CDC73: variants seen among roughly 807,000 people sequenced by gnomAD.
The protein encoded by CDC73 is parafibromin.
In CDC73, 21 loss-of-function variants were observed where a neutral mutation model predicts 83.7. That is an observed-to-expected ratio of 0.25 (90% CI 0.18 to 0.36). CDC73 has a LOEUF of 0.36. Among genes scored for constraint, CDC73 ranks in the 10% least tolerant of loss-of-function variants. The pLI is 1.00. For synonymous variants in CDC73, 224 were observed against 212.9 expected (o/e 1.05, Z -0.45); for missense variants, 342 against 653.3 (o/e 0.52, Z 5.19).
intron 7 of CDC73, among the ~76,000 whole-genome samples, chr1:193,143,703 T>TA (rs538879718): frequency 6.6e-6 from 1 of 152,160 alleles, no homozygotes; most frequent in Non-Finnish European, 1.5e-5. Context: ...CAGGTGAGAA[T>TA]AAAAAAATAC....
chr1:193,130,677 T>G (rs2103118309), intron 3 of CDC73, among the ~76,000 whole-genome samples: 1 of 152,336 alleles, frequency 6.6e-6, no homozygotes, highest in East Asian at 1.9e-4. Context: ...CATTGCTTCT[T>G]TTTTACCTTT....
intron 14 of CDC73, among the ~76,000 whole-genome samples, chr1:193,234,173 TCTCACACACACA>T (rs1272268062): frequency 5.1e-4 from 35 of 68,340 alleles, no homozygotes; most frequent in South Asian, 1.4e-3. Context: ...TCTCTCTCTC[TCTCACACACACA>T]CACACACACA....
intron 10 of CDC73, among the ~76,000 whole-genome samples, chr1:193,156,630 C>G (rs1229625415): frequency 2.0e-5 from 3 of 152,086 alleles, no homozygotes; most frequent in Non-Finnish European, 4.4e-5. Context: ...TCTCCCCACC[C>G]CACCACTGTT....
At chr1:193,130,613 TC>T (rs1001064407) in intron 3 of CDC73, among the ~76,000 whole-genome samples, 1 of 152,250 alleles carries the variant, frequency 6.6e-6, no homozygotes, top group Non-Finnish European at 1.5e-5. Context: ...GTCTACTGCT[TC>T]ATTTATCTCC....
At chr1:193,139,508 G>A (rs543648702) in intron 6 of CDC73, among the ~76,000 whole-genome samples, 80 of 152,224 alleles carry the variant, frequency 5.3e-4, no homozygotes, top group African/African-American at 1.9e-3. Flanking sequence ...AATATAGAAC[G>A]TAGTTCTTGT....
chr1:193,137,081 T>C (rs72731068), intron 5 of CDC73, among the ~76,000 whole-genome samples: 6,075 of 152,284 alleles, frequency 0.04, 117 homozygotes, highest in Middle Eastern at 0.048. Context: ...TTTGAGGATC[T>C]ATAAGGAACT....
intron 11 of CDC73, among the ~76,000 whole-genome samples, chr1:193,207,951 C>G (rs757102539): frequency 1.3e-5 from 2 of 152,318 alleles, no homozygotes; most frequent in Non-Finnish European, 2.9e-5. Context: ...TTTGTTATCT[C>G]CAATTCAAAC....
intron 10 of CDC73, among the ~76,000 whole-genome samples, chr1:193,202,153 G>A (rs1452475849): frequency 2.0e-5 from 3 of 152,040 alleles, no homozygotes; most frequent in Non-Finnish European, 4.4e-5. Flanking sequence ...TTATATAGGG[G>A]CTAATGTTCC....
At chr1:193,162,154 CTATTA>C (rs1296645506) in intron 10 of CDC73, among the ~76,000 whole-genome samples, 2 of 12,234 alleles carry the variant, frequency 1.6e-4, no homozygotes, top group East Asian at 8.6e-4. Context: ...TATATATTAT[CTATTA>C]TATTGTATAT....
chr1:193,233,015 A>C lies in CDC73; in HGVS notation c.1177A>C (p.Lys393Gln). Residue 393 changes from lysine (K) to glutamine (Q), a missense_variant, in exon 14 of 17, where the codon AAG becomes CAG. By Grantham distance (53) the Lys-to-Gln change is moderately conservative. This residue lies in a region of CDC73 where 239 missense variants were observed against 420.6 expected (regional missense o/e 0.57). Coordinates refer to ENST00000367435, the MANE Select transcript of CDC73 (RefSeq NM_024529.5). Reference protein sequence around the residue: ...DLKFVPSDEKKKQGCQRENET... With the variant: ...DLKFVPSDEKQKQGCQRENET... ...AAGATTTGTCCCATCAGATGAAAAGAAGAAACAAGGTTGTCAACGAGAAAA... is the reference window on the plus strand; with the variant it reads ...AAGATTTGTCCCATCAGATGAAAAGCAGAAACAAGGTTGTCAACGAGAAAA... The C allele has an allele frequency of 6.2e-7, 1 of 1,613,970 alleles. No individual in the cohort carries two copies. Among genetic ancestry groups the C allele is most frequent in the Non-Finnish European group, 8.5e-7 (1 of 1,179,834 alleles).
At chr1:193,169,183 G>A (rs1676480322) in intron 10 of CDC73, among the ~76,000 whole-genome samples, 1 of 152,080 alleles carries the variant, frequency 6.6e-6, no homozygotes, top group Admixed American at 6.5e-5. Flanking sequence ...ATTTTAAGAA[G>A]GATGCTATTT....
intron 10 of CDC73, among the ~76,000 whole-genome samples, chr1:193,192,998 C>T (rs1676944508): frequency 6.6e-6 from 1 of 152,160 alleles, no homozygotes; most frequent in South Asian, 2.1e-4. Context: ...TATCCAGAGG[C>T]TTTTGCAAAA....
At chr1:193,240,855 T>G (rs1677845051) in intron 15 of CDC73, among the ~76,000 whole-genome samples, 1 of 152,206 alleles carries the variant, frequency 6.6e-6, no homozygotes, top group Non-Finnish European at 1.5e-5. Flanking sequence ...ATCCCATCTA[T>G]TTTTGTTGCC....
chr1:193,233,794 T>C (rs1427599771), intron 14 of CDC73, among the ~76,000 whole-genome samples: 1 of 152,190 alleles, frequency 6.6e-6, no homozygotes, highest in Non-Finnish European at 1.5e-5. Context: ...AGCTCTTTTA[T>C]CATGGTTTAA....
chr1:193,194,819 CT>C, intron 10 of CDC73, among the ~76,000 whole-genome samples: 1 of 152,024 alleles, frequency 6.6e-6, no homozygotes, highest in East Asian at 1.9e-4. Flanking sequence ...CCTTTTATCT[CT>C]TTTGATTCCA....
At chr1:193,225,253 T>G (rs1048286043) in intron 13 of CDC73, among the ~76,000 whole-genome samples, 2 of 146,632 alleles carry the variant, frequency 1.4e-5, no homozygotes, top group Non-Finnish European at 3.0e-5. Flanking sequence ...ATGATATATA[T>G]ATATATATAT....
At chr1:193,168,397 A>G (rs561022445) in intron 10 of CDC73, among the ~76,000 whole-genome samples, 1 of 152,166 alleles carries the variant, frequency 6.6e-6, no homozygotes, top group Non-Finnish European at 1.5e-5. Context: ...TTAGTGTTAC[A>G]TGCTTTTTGG....
At chr1:193,200,838 G>T (rs1180539245) in intron 10 of CDC73, among the ~76,000 whole-genome samples, 1 of 152,042 alleles carries the variant, frequency 6.6e-6, no homozygotes, top group Non-Finnish European at 1.5e-5. Context: ...TAGGGTGGAG[G>T]GTGGTGGGGT....
intron 10 of CDC73, among the ~76,000 whole-genome samples, chr1:193,168,873 G>A (rs573194617): frequency 6.6e-6 from 1 of 152,290 alleles, no homozygotes; most frequent in African/African-American, 2.4e-5. Flanking sequence ...AAATGAATGA[G>A]TTTGGTTGCA....
Sources: allele counts gnomAD v4.1 joint callset (sites outside exome capture counted in the v4.1 genomes callset), GRCh38; gene constraint gnomAD v4.1.1; regional missense constraint gnomAD v4.1.1; transcripts MANE v1.5; gene names NCBI Gene and HGNC (gene_info 2026-07-23, HGNC 2026-07-21).